KLHL8: variants seen among roughly 807,000 people sequenced by gnomAD.
KLHL8 encodes the protein kelch like family member 8, also known as kelch-like protein 8.
A neutral mutation model predicts 63.5 loss-of-function variants in KLHL8; 38 were observed. That is an observed-to-expected ratio of 0.60 (90% CI 0.46 to 0.78). The LOEUF (loss-of-function observed/expected upper bound fraction) is 0.78. KLHL8 is among the 30% of genes least tolerant of loss of function. KLHL8 has a pLI of 0.00. For missense variants in KLHL8, 566 were observed against 752.4 expected (o/e 0.75, Z 2.90); for synonymous variants, 224 against 254.3 (o/e 0.88, Z 1.13).
At chr4:87,199,087 G>A (rs143300752) in intron 1 of KLHL8, among the ~76,000 whole-genome samples, 75 of 151,880 alleles carry the variant, frequency 4.9e-4, no homozygotes, top group African/African-American at 1.7e-3. Flanking sequence ...TATCAAATGC[G>A]TACAAGAAAA....
At chr4:87,238,922 T>C (rs1444903793) in intron 1 of KLHL8, among the ~76,000 whole-genome samples, 6 of 152,216 alleles carry the variant, frequency 3.9e-5, no homozygotes, top group Admixed American at 3.9e-4. Context: ...ACTGTAACAA[T>C]TAGCAGTCAA....
upstream of KLHL8, among the ~76,000 whole-genome samples, chr4:87,223,934 A>C (rs984694997): frequency 2.0e-5 from 3 of 152,218 alleles, no homozygotes; most frequent in Non-Finnish European, 4.4e-5. Context: ...GGATCTAAGA[A>C]ATTCCTTCCC....
At chr4:87,223,050 C>T (rs150957367), upstream of KLHL8, among the ~76,000 whole-genome samples, 504 of 152,134 alleles carry the variant, frequency 3.3e-3, 6 homozygotes, top group African/African-American at 0.012. Context: ...TTGATTTCCC[C>T]GGCTCAGGTG....
In KLHL8 at chr4:87,162,319, C is replaced by T. The variant is rs764537698; in HGVS notation, c.*1200G>A. 7.2e-5 allele frequency: 11 copies of T among 152,048 alleles called. No homozygotes were observed. Among genetic ancestry groups the T allele is most frequent in the Non-Finnish European group, 1.5e-4 (10 of 68,020 alleles). 9.4% of individuals were successfully genotyped at this position (152,048 alleles called of 1,614,324 possible). On this transcript the variant is annotated 3_prime_UTR_variant, in exon 10 of 10. Coordinates refer to ENST00000273963, the MANE Select transcript of KLHL8 (RefSeq NM_020803.5). ...TAATGCTAGTTAAAACTTTGAAGAG[C>T]TGTTAAATCTGTAGGTCCATCAATA...
At chr4:87,207,183 T>A (rs1196269000) in intron 1 of KLHL8, 5 of 571,808 alleles carry the variant, frequency 8.7e-6, no homozygotes, top group Non-Finnish European at 1.7e-5. Context: ...ATTGTCGCCA[T>A]CAATGACCGC....
chr4:87,203,600 G>A (rs975741100), intron 1 of KLHL8, among the ~76,000 whole-genome samples: 2 of 149,736 alleles, frequency 1.3e-5, no homozygotes, highest in Non-Finnish European at 3.0e-5. Flanking sequence ...CTGTAGTCTG[G>A]AACTTCAAGC....
At chr4:87,216,071 A>G (rs1160303982) in intron 1 of KLHL8, among the ~76,000 whole-genome samples, 1 of 152,226 alleles carries the variant, frequency 6.6e-6, no homozygotes, top group Non-Finnish European at 1.5e-5. Context: ...ATCTTTTGGC[A>G]TTTTAAATAA....
Position 87,178,583 on chromosome 4 carries a change from A to G in KLHL8, c.990T>C (p.Gly330=), listed in dbSNP as rs61734703. ...AGCATTCAATACTGCGAAAGGGGTCACCAGATCCACCTCGACCACCTACAC... is the reference window on the plus strand; with the variant it reads ...AGCATTCAATACTGCGAAAGGGGTCGCCAGATCCACCTCGACCACCTACAC... ...LFCVGGRGGS[G]DPFRSIECYS... is the part of the protein sequence containing the mutation. The change falls in exon 5 of 10, where the codon GGT becomes GGC. Residue 330 remains glycine (G), a synonymous_variant. Coordinates refer to ENST00000273963, the MANE Select transcript of KLHL8 (RefSeq NM_020803.5). 4.2e-4 allele frequency: 683 copies of G among 1,607,150 alleles called. 1 individual carries two copies. The African/African-American group carries it at 7.7e-3, about 18-fold the overall frequency.
At chr4:87,178,642 A>G (rs1730929465) in intron 4 of KLHL8, 22 bp from the exon 5 acceptor site, 5 of 1,510,438 alleles carry the variant, frequency 3.3e-6, no homozygotes, top group Non-Finnish European at 4.4e-6. Flanking sequence ...GCCACAAAAT[A>G]GAGATAAATC....
intron 1 of KLHL8, among the ~76,000 whole-genome samples, chr4:87,215,526 G>T (rs945696125): frequency 6.6e-6 from 1 of 152,136 alleles, no homozygotes; most frequent in African/African-American, 2.4e-5. Context: ...GACATTACTT[G>T]ATGGACAGAT....
chr4:87,227,371 AC>A (rs1733051186), intron 1 of KLHL8, among the ~76,000 whole-genome samples: 1 of 152,126 alleles, frequency 6.6e-6, no homozygotes, highest in Non-Finnish European at 1.5e-5. Context: ...ACGGGGCACC[AC>A]GGTTCATGCC....
In KLHL8 at chr4:87,162,472, C is replaced by T. The variant is rs1042839735; in HGVS notation, c.*1047G>A. On this transcript the variant is annotated 3_prime_UTR_variant, in exon 10 of 10. Transcript: ENST00000273963. Reference sequence around the variant, plus strand: ...TTACCAACAATATGTTTAATTAGTTCGTGATGGGCTTGAACTAATCAATAA... The same window carrying T: ...TTACCAACAATATGTTTAATTAGTTTGTGATGGGCTTGAACTAATCAATAA... 4.6e-5 allele frequency: 7 copies of T among 152,026 alleles called. No homozygotes were observed. Among genetic ancestry groups the T allele is most frequent in the African/African-American group, 1.4e-4 (6 of 41,386 alleles). The allele number at this position is 152,026 out of a possible 1,614,324, so 9.4% of individuals were successfully genotyped here.
rs868080001 is a variant in KLHL8, at chr4:87,226,871, A to T, written n.58-5481T>A. Reference sequence around the variant, plus strand: ...ATTATATATAAATAATATATATTATATATAAATAATATATATTATATATAA... The same window carrying T: ...ATTATATATAAATAATATATATTATTTATAAATAATATATATTATATATAA... On this transcript the variant is annotated intron_variant and non_coding_transcript_variant, in intron 1 of 1. Coordinates refer to the KLHL8 transcript ENST00000506274. Among the ~76,000 whole-genome samples, 5 of 34,346 alleles carry T rather than the reference A, an allele frequency of 1.5e-4. 1 individual carries two copies. The highest frequency in any genetic ancestry group is 8.7e-4 in the South Asian group (1 of 1,152). The allele number at this position is 34,346 out of a possible 152,430, so 22.5% of individuals were successfully genotyped here.
chr4:87,224,039 T>G (rs999566982), upstream of KLHL8, among the ~76,000 whole-genome samples: 2 of 152,184 alleles, frequency 1.3e-5, no homozygotes, highest in Admixed American at 6.5e-5. Flanking sequence ...ATTGCAATAT[T>G]TTAACCCCAA....
intron 8 of KLHL8, chr4:87,167,573 T>G (rs1389007605): frequency 1.9e-6 from 1 of 527,214 alleles, no homozygotes; most frequent in African/African-American, 1.9e-5. Flanking sequence ...GCTGTTATGC[T>G]AAGAAGAAGG....
At chr4:87,168,043 G>A (rs1011405469) in intron 8 of KLHL8, among the ~76,000 whole-genome samples, 9 of 151,982 alleles carry the variant, frequency 5.9e-5, no homozygotes, top group Non-Finnish European at 1.5e-5. Context: ...CCCACACCCC[G>A]CCCCCCGCCT....
intron 1 of KLHL8, among the ~76,000 whole-genome samples, chr4:87,231,820 A>T (rs1733142590): frequency 6.6e-6 from 1 of 151,770 alleles, no homozygotes; most frequent in Non-Finnish European, 1.5e-5. Flanking sequence ...CTGGTCTCGA[A>T]CTCCTGACCA....
At chr4:87,201,029 A>G (rs1481722948) in intron 1 of KLHL8, among the ~76,000 whole-genome samples, 1 of 152,244 alleles carries the variant, frequency 6.6e-6, no homozygotes, top group Non-Finnish European at 1.5e-5. Flanking sequence ...AAAGTGAAAT[A>G]AGCCAGAAAC....
intron 1 of KLHL8, among the ~76,000 whole-genome samples, chr4:87,200,346 C>A (rs778889726): frequency 3.9e-5 from 6 of 152,082 alleles, no homozygotes; most frequent in Non-Finnish European, 5.9e-5. Flanking sequence ...AACCTATGTA[C>A]ATCCTCCTAC....
Sources: gnomAD v4.1 joint callset for allele counts (sites outside exome capture counted in the v4.1 genomes callset) on GRCh38, gnomAD v4.1.1 for gene constraint, MANE v1.5 for transcripts, NCBI Gene and HGNC (gene_info 2026-07-23, HGNC 2026-07-21) for gene names.